ZNF185: variants seen among roughly 807,000 people sequenced by gnomAD.
The protein encoded by ZNF185 is zinc finger protein 185 with LIM domain, also known as zinc finger protein 185.
ZNF185 carries 56 observed loss-of-function variants against 58.6 expected under a neutral mutation model. The observed-to-expected ratio is 0.95, with a 90% CI of 0.77 to 1.19. The LOEUF is 1.19. ZNF185 is among the 50% of genes most tolerant of loss of function. The pLI, the probability that ZNF185 is intolerant of heterozygous loss-of-function variation, is 0.00. For synonymous variants in ZNF185, 230 were observed against 215.9 expected, an observed-to-expected ratio of 1.07 and a Z score of -0.57; for missense variants, 627 against 573.5, an observed-to-expected ratio of 1.09 and a Z score of -0.95.
intron 11 of ZNF185, 138 bp from the exon 13 acceptor site, chrX:152,928,437 C>G (rs940816610): frequency 1.6e-6 from 1 of 608,527 alleles, no homozygotes; most frequent in Non-Finnish European, 2.6e-6. Context: ...GCAGCACCAA[C>G]AAGGCTCAAG....
intron 6 of ZNF185, among the ~76,000 whole-genome samples, chrX:152,918,742 C>T (rs1379875334): frequency 1.8e-5 from 2 of 111,775 alleles, no homozygotes; most frequent in South Asian, 3.8e-4. Flanking sequence ...CACATCTTTC[C>T]GTTGTTTGTC....
chrX:152,921,594 C>G (rs1194699757), intron 9 of ZNF185, among the ~76,000 whole-genome samples: 1 of 111,591 alleles, frequency 9.0e-6, no homozygotes, highest in Non-Finnish European at 1.9e-5. Flanking sequence ...GTACCAAAAA[C>G]TGAGTGGCTT....
Position 152,922,088 on chromosome X carries a change from C to T in ZNF185, c.657-85C>T, listed in dbSNP as rs781908734. ...ATCCTGAAGGGTTGGGTCAGTTAGA[C>T]GCCACTGGAAGCATGTTCTTTGAGG... On this transcript the variant is annotated intron_variant, in intron 9 of 22. Transcript: ENST00000449285. The T allele has an allele frequency of 4.9e-4, 496 of 1,003,018 alleles. No homozygotes were observed. The African/African-American group carries it at 8.6e-3, about 17-fold the overall frequency. 82.7% of individuals were successfully genotyped at this position (1,003,018 alleles called of 1,213,427 possible).
chrX:152,955,837 G>A (rs2048763825), intron 16 of ZNF185, among the ~76,000 whole-genome samples: 1 of 110,314 alleles, frequency 9.1e-6, no homozygotes, highest in Non-Finnish European at 1.9e-5. Flanking sequence ...GGCAGTCAGA[G>A]GTTGCAGTGA....
chrX:152,931,953 G>T (rs1192003134), intron 13 of ZNF185, among the ~76,000 whole-genome samples, 177 bp downstream of exon 14: 1 of 112,540 alleles, frequency 8.9e-6, no homozygotes, highest in African/African-American at 3.2e-5. Context: ...ATGAACATCT[G>T]TTGAAAGAAA....
chrX:152,910,324 C>T (rs1278572559), upstream of ZNF185, among the ~76,000 whole-genome samples: 1 of 112,350 alleles, frequency 8.9e-6, no homozygotes, highest in Non-Finnish European at 1.9e-5. Context: ...ACGTTCATGA[C>T]AGGAAAATTA....
intron 15 of ZNF185, chrX:152,941,727 C>G (rs1471526796): frequency 8.6e-7 from 1 of 1,163,494 alleles, no homozygotes; most frequent in Non-Finnish European, 1.1e-6. Flanking sequence ...CCGGGACGAG[C>G]TCGGCCTCGG....
chrX:152,902,916 C>T, the ZNF185 span, among the ~76,000 whole-genome samples: 1 of 111,077 alleles, frequency 9.0e-6, no homozygotes, highest in Non-Finnish European at 1.9e-5. Context: ...CTTTCTGTTC[C>T]TTTTGCTCCT....
chrX:152,936,567 TG>T, intron 14 of ZNF185, 54 bp downstream of exon 16: 1 of 1,065,066 alleles, frequency 9.4e-7, no homozygotes, highest in African/African-American at 1.8e-5. Context: ...ACACAGCCTT[TG>T]GGGCCCAGCC....
the ZNF185 span, among the ~76,000 whole-genome samples, chrX:152,903,907 A>G: frequency 9.0e-6 from 1 of 111,404 alleles, no homozygotes; most frequent in East Asian, 2.8e-4. Context: ...TCTGCCTCCC[A>G]GGGCCCCTCC....
At chrX:152,942,408 C>T (rs1428619062) in intron 15 of ZNF185, among the ~76,000 whole-genome samples, 1 of 111,657 alleles carries the variant, frequency 9.0e-6, no homozygotes, top group East Asian at 2.8e-4. Flanking sequence ...CCTCAGGTTC[C>T]TCACGTGCGG....
chrX:152,915,182 C>T (rs782510432), exon 3 of ZNF185: 34 of 1,210,336 alleles, frequency 2.8e-5, no homozygotes, highest in Non-Finnish European at 3.7e-5. Context: ...TTTTCATCAG[C>T]TGGGGAGGTT....
Position 152,959,154 on chromosome X carries a change from C to A in ZNF185, c.1410-545C>A, listed in dbSNP as rs782722372. Among the ~76,000 whole-genome samples, 40 of 112,548 alleles carry A rather than the reference C, an allele frequency of 3.6e-4. 1 individual carries two copies. The highest frequency in any genetic ancestry group is 1.9e-4 in the Non-Finnish European group (10 of 53,234). Reference sequence around the variant, plus strand: ...TTTGGATTCTCCTGGCCCTTCCCCCCTTTGTGGGGTCAACAGCGGATTTGG... The same window carrying A: ...TTTGGATTCTCCTGGCCCTTCCCCCATTTGTGGGGTCAACAGCGGATTTGG... On this transcript the variant is annotated intron_variant, in intron 16 of 22. Transcript: ENST00000449285.
intron 14 of ZNF185, 35 bp from the exon 16 acceptor site, chrX:152,936,383 C>T (rs2046288239): frequency 8.8e-7 from 1 of 1,135,782 alleles, no homozygotes; most frequent in African/African-American, 1.8e-5. Context: ...GACACAAAGT[C>T]CTGAACCTGG....
rs782671191 is a variant in ZNF185 at position 152,932,886 on chromosome X, T to C, written c.1036T>C (p.Leu346=). The change falls in exon 14 of 23, where the codon TTG becomes CTG. Residue 346 remains leucine (L), a synonymous_variant. Coordinates refer to ENST00000449285, the Ensembl canonical transcript of ZNF185. ...TTCTCATAACAGGTCAAGTGCACAG[T>C]TGAGTGATGGCAATGTGGGATCCGG... 8.3e-6 allele frequency: 10 copies of C among 1,202,147 alleles called. No homozygotes were observed. In the East Asian group the frequency reaches 8.9e-5, roughly 11 times the overall value.
intron 11 of ZNF185, among the ~76,000 whole-genome samples, chrX:152,923,226 C>A (rs895370872): frequency 1.6e-4 from 18 of 112,118 alleles, no homozygotes; most frequent in African/African-American, 5.5e-4. Flanking sequence ...CTACCGGTCA[C>A]TTCCCAGGCC....
At chrX:152,962,807 G>C (rs191368607) in intron 17 of ZNF185, among the ~76,000 whole-genome samples, 1,212 of 112,692 alleles carry the variant, frequency 0.011, 25 homozygotes, top group African/African-American at 0.037. Flanking sequence ...TACGGCTTGA[G>C]TGGCACGTGA....
In ZNF185 at chrX:152,922,707, C is replaced by A. The variant is rs41311674; in HGVS notation, c.741-13C>A. 6,460 of 1,190,596 alleles carry A rather than the reference C, an allele frequency of 5.4e-3. 24 individuals are homozygous for A. Among genetic ancestry groups the A allele is most frequent in the Middle Eastern group, 0.04 (175 of 4,326 alleles). On this transcript the variant is annotated splice_polypyrimidine_tract_variant and intron_variant, in intron 10 of 22. Coordinates refer to ENST00000449285, the Ensembl canonical transcript of ZNF185. ...ACATCTCCAGAGCCTCTCACAGCCA[C>A]CTTCTTTGCCAGTGCGGATGGAGGC...
chrX:152,962,813 C>T (rs1556911365), intron 17 of ZNF185, among the ~76,000 whole-genome samples: 4 of 112,491 alleles, frequency 3.6e-5, no homozygotes, highest in Admixed American at 9.4e-5. Flanking sequence ...TTGAGTGGCA[C>T]GTGATACAGT....
Sources: allele counts gnomAD v4.1 joint callset (sites outside exome capture counted in the v4.1 genomes callset), GRCh38; gene constraint gnomAD v4.1.1; transcripts MANE v1.5; gene names NCBI Gene and HGNC (gene_info 2026-07-23, HGNC 2026-07-21).